The following KCTD8 variants were observed in gnomAD, a reference collection of about 807,000 sequenced individuals.
KCTD8 encodes potassium channel tetramerization domain containing 8, also known as BTB/POZ domain-containing protein KCTD8.
A neutral mutation model predicts 31.5 loss-of-function variants in KCTD8; 27 were observed. The ratio of observed to expected loss-of-function variants is 0.86; its 90% confidence interval spans 0.63 to 1.18. The LOEUF (loss-of-function observed/expected upper bound fraction) is 1.18. Ranked by LOEUF, KCTD8 falls within the 50% of genes most tolerant of loss-of-function variation. The pLI is 0.00. For synonymous variants in KCTD8, 290 were observed against 280.0 expected, an observed-to-expected ratio of 1.04 and a Z score of -0.36; for missense variants, 658 against 647.7, an observed-to-expected ratio of 1.02 and a Z score of -0.17.
chr4:44,257,246 T>C (rs1465117246), intron 1 of KCTD8, among the ~76,000 whole-genome samples: 1 of 152,006 alleles, frequency 6.6e-6, no homozygotes, highest in Admixed American at 6.6e-5. Flanking sequence ...AAAATATAAA[T>C]TTAAAATGTG....
At chr4:44,386,956 C>T (rs1444670906) in intron 1 of KCTD8, among the ~76,000 whole-genome samples, 1 of 151,668 alleles carries the variant, frequency 6.6e-6, no homozygotes, top group Non-Finnish European at 1.5e-5. Context: ...TTGCAGAGGA[C>T]ATTATCCTAT....
intron 1 of KCTD8, among the ~76,000 whole-genome samples, chr4:44,180,180 T>A (rs1391118852): frequency 6.6e-6 from 1 of 152,132 alleles, no homozygotes; most frequent in African/African-American, 2.4e-5. Context: ...GAGCACCCAA[T>A]ATACTTGGTT....
chr4:44,381,887 A>C (rs1212361351), intron 1 of KCTD8, among the ~76,000 whole-genome samples: 2 of 151,710 alleles, frequency 1.3e-5, no homozygotes, highest in Admixed American at 1.3e-4. Flanking sequence ...TCCAGCCTAC[A>C]GAACCATGAG....
At chr4:44,362,393 C>T (rs1256834213) in intron 1 of KCTD8, among the ~76,000 whole-genome samples, 1 of 152,068 alleles carries the variant, frequency 6.6e-6, no homozygotes, top group East Asian at 1.9e-4. Context: ...AGTGTCTTTA[C>T]TATAAAATGA....
intron 1 of KCTD8, among the ~76,000 whole-genome samples, chr4:44,181,500 G>A (rs143850187): frequency 3.3e-5 from 5 of 151,992 alleles, no homozygotes; most frequent in Non-Finnish European, 5.9e-5. Context: ...TGCCAGCCTC[G>A]GCCCCCCGAG....
At chr4:44,267,837 A>C (rs1027275489) in intron 1 of KCTD8, among the ~76,000 whole-genome samples, 19 of 152,204 alleles carry the variant, frequency 1.2e-4, no homozygotes, top group Non-Finnish European at 2.5e-4. Flanking sequence ...CCCAAGACTA[A>C]ACCAGGAAGA....
intron 1 of KCTD8, among the ~76,000 whole-genome samples, chr4:44,176,515 CAGA>C (rs1227874216): frequency 6.6e-6 from 1 of 152,154 alleles, no homozygotes; most frequent in Non-Finnish European, 1.5e-5. Flanking sequence ...TGATATTACT[CAGA>C]AGGATTAAGA....
chr4:44,304,850 T>C (rs920682905), intron 1 of KCTD8, among the ~76,000 whole-genome samples: 6 of 151,888 alleles, frequency 4.0e-5, no homozygotes, highest in Non-Finnish European at 4.4e-5. Context: ...TGGCAGGGCA[T>C]GGTGGTGCCT....
rs545203081 is a variant in KCTD8 at position 44,378,363 on chromosome 4, G to A, written c.961+69200C>T. The stretch of plus-strand genomic sequence containing the variant: ...GTTATGAGATATACCTAATGTAAAT[G>A]ACAAATTAATGGGTGCAGCACACCA... On this transcript the variant is annotated intron_variant, in intron 1 of 1. Coordinates refer to ENST00000360029, the MANE Select transcript of KCTD8 (RefSeq NM_198353.3). Among the ~76,000 whole-genome samples, 7 of 150,836 alleles carry A rather than the reference G, an allele frequency of 4.6e-5. No individual in the cohort carries two copies. In the South Asian group the frequency reaches 1.5e-3, roughly 31 times the overall value.
Position 44,176,223 on chromosome 4 carries a change from A to G in KCTD8, c.962-973T>C, listed in dbSNP as rs912978942. 4.6e-5 allele frequency among the ~76,000 whole-genome samples: 7 copies of G among 152,344 alleles called. No homozygotes were observed. In the East Asian group the frequency reaches 1.3e-3, roughly 29 times the overall value. On this transcript the variant is annotated intron_variant, in intron 1 of 1. Coordinates refer to ENST00000360029, the MANE Select transcript of KCTD8 (RefSeq NM_198353.3). ...TGAACAAGTTGTATAAATCAGAATCAGGAGGAAGGCATCAGTGTTTTTAAA... is the reference window on the plus strand; with the variant it reads ...TGAACAAGTTGTATAAATCAGAATCGGGAGGAAGGCATCAGTGTTTTTAAA...
chr4:44,176,588 A>AC (rs1560386396), intron 1 of KCTD8, among the ~76,000 whole-genome samples: 1 of 152,002 alleles, frequency 6.6e-6, no homozygotes, highest in Non-Finnish European at 1.5e-5. Flanking sequence ...TTCTATCACC[A>AC]TTTTTTTTCT....
At chr4:44,227,123 G>A (rs1714986732) in intron 1 of KCTD8, among the ~76,000 whole-genome samples, 1 of 152,184 alleles carries the variant, frequency 6.6e-6, no homozygotes, top group South Asian at 2.1e-4. Flanking sequence ...CCATGCCTAT[G>A]TGCTGAATGG....
intron 1 of KCTD8, among the ~76,000 whole-genome samples, chr4:44,315,864 T>C (rs1718093780): frequency 1.3e-5 from 2 of 152,146 alleles, no homozygotes; most frequent in African/African-American, 4.8e-5. Flanking sequence ...TGCAATATAC[T>C]TTGTTTTATT....
At chr4:44,205,715 G>A (rs1041752219) in intron 1 of KCTD8, among the ~76,000 whole-genome samples, 1 of 152,198 alleles carries the variant, frequency 6.6e-6, no homozygotes, top group African/African-American at 2.4e-5. Context: ...TAACCCAACT[G>A]AGACATAAAC....
At chr4:44,356,770 C>G (rs1362695577) in intron 1 of KCTD8, among the ~76,000 whole-genome samples, 1 of 152,104 alleles carries the variant, frequency 6.6e-6, no homozygotes, top group Non-Finnish European at 1.5e-5. Context: ...CCGTGCTTGG[C>G]CTGGGAGGTA....
Position 44,390,192 on chromosome 4 carries a change from G to A in KCTD8, c.961+57371C>T, listed in dbSNP as rs996518417. 7.2e-5 allele frequency among the ~76,000 whole-genome samples: 11 copies of A among 151,754 alleles called. No individual in the cohort carries two copies. The East Asian group carries it at 1.7e-3, about 24-fold the overall frequency. On this transcript the variant is annotated intron_variant, in intron 1 of 1. Coordinates refer to ENST00000360029, the MANE Select transcript of KCTD8 (RefSeq NM_198353.3). ...TTGTTGCATATGCTTTTGGGTTATTGGTCATGAAGTCTTTGCCTAAGCCAA... is the reference window on the plus strand; with the variant it reads ...TTGTTGCATATGCTTTTGGGTTATTAGTCATGAAGTCTTTGCCTAAGCCAA...
chr4:44,427,130 A>G (rs1721368630), intron 1 of KCTD8, among the ~76,000 whole-genome samples: 1 of 151,506 alleles, frequency 6.6e-6, no homozygotes, highest in African/African-American at 2.4e-5. Context: ...GTGCATTCCT[A>G]GAAAACTAGA....
intron 1 of KCTD8, among the ~76,000 whole-genome samples, chr4:44,425,253 A>C (rs1044441651): frequency 3.3e-5 from 5 of 151,986 alleles, no homozygotes; most frequent in Non-Finnish European, 5.9e-5. Flanking sequence ...GGAAGAACCC[A>C]TTTACCATAG....
chr4:44,221,338 T>C (rs1435203045), intron 1 of KCTD8, among the ~76,000 whole-genome samples: 5 of 139,736 alleles, frequency 3.6e-5, no homozygotes, highest in African/African-American at 1.4e-4. Flanking sequence ...CAGGTGTGTG[T>C]GTGTGTGCAT....
Sources: allele counts gnomAD v4.1 joint callset (sites outside exome capture counted in the v4.1 genomes callset), GRCh38; gene constraint gnomAD v4.1.1; transcripts MANE v1.5; gene names NCBI Gene and HGNC (gene_info 2026-07-23, HGNC 2026-07-21).